The following GRID2 variants were observed in gnomAD, a reference collection of about 807,000 sequenced individuals.
The protein encoded by GRID2 is glutamate receptor ionotropic, delta-2.
GRID2 carries 33 observed loss-of-function variants against 114.8 expected under a neutral mutation model. The ratio of observed to expected loss-of-function variants is 0.29; its 90% CI spans 0.22 to 0.38. The LOEUF is 0.38. Among genes scored for constraint, GRID2 ranks in the 10% least tolerant of loss-of-function variants. The pLI is 1.00. For synonymous variants in GRID2, 505 were observed against 449.9 expected (o/e 1.12, Z -1.55); for missense variants, 1,184 against 1,257.7 (o/e 0.94, Z 0.89).
chr4:93,281,078 C>T (rs758717517), intron 8 of GRID2, among the ~76,000 whole-genome samples: 2 of 151,650 alleles, frequency 1.3e-5, no homozygotes, highest in Non-Finnish European at 2.9e-5. Context: ...ATACATTATA[C>T]TATTTTGATA....
chr4:92,407,648 C>T (rs1364490401), intron 1 of GRID2, among the ~76,000 whole-genome samples: 3 of 151,806 alleles, frequency 2.0e-5, no homozygotes, highest in Non-Finnish European at 4.4e-5. Context: ...ATGGTATCTC[C>T]TTGTGGTTTT....
intron 4 of GRID2, among the ~76,000 whole-genome samples, chr4:93,197,452 G>A (rs1289902210): frequency 6.6e-6 from 1 of 152,108 alleles, no homozygotes; most frequent in Admixed American, 6.6e-5. Context: ...CTACGTGTGT[G>A]TGTGTATATA....
chr4:93,535,823 A>G (rs918203411), intron 13 of GRID2, among the ~76,000 whole-genome samples: 1 of 151,976 alleles, frequency 6.6e-6, no homozygotes, highest in African/African-American at 2.4e-5. Flanking sequence ...ATGGTTTGCA[A>G]ATATTTTCTA....
At chr4:93,165,021 T>G (rs1482115899) in intron 4 of GRID2, among the ~76,000 whole-genome samples, 1 of 152,072 alleles carries the variant, frequency 6.6e-6, no homozygotes, top group East Asian at 1.9e-4. Context: ...GTTTTTCAGT[T>G]TCTCTGAAGG....
intron 13 of GRID2, among the ~76,000 whole-genome samples, chr4:93,537,038 T>C (rs1450595133): frequency 6.6e-6 from 1 of 151,628 alleles, no homozygotes; most frequent in Admixed American, 6.6e-5. Flanking sequence ...ACTCAATATC[T>C]AAAAAAATCC....
intron 11 of GRID2, among the ~76,000 whole-genome samples, chr4:93,472,310 C>A: frequency 6.6e-6 from 1 of 151,800 alleles, no homozygotes; most frequent in East Asian, 2.0e-4. Flanking sequence ...GCAACAAGAG[C>A]AAAACTCCAT....
rs1408480028 is a variant in GRID2, at chr4:93,774,438, T to C, written c.*1940T>C. The C allele has an allele frequency of 6.6e-6, 1 of 152,154 alleles. No individual in the cohort carries two copies. The highest frequency in any genetic ancestry group is 1.9e-4 in the East Asian group (1 of 5,198). The allele number at this position is 152,154 out of a possible 1,614,324, so 9.4% of individuals were successfully genotyped here. ...GTACAATATTTAAAATAGGCTTATT[T>C]TGATGTATCGCCTATTATACAAACA... On this transcript the variant is annotated 3_prime_UTR_variant, in exon 16 of 16. Coordinates refer to ENST00000282020, the MANE Select transcript of GRID2 (RefSeq NM_001510.4).
At chr4:93,697,739 A>G (rs1231030994) in intron 14 of GRID2, among the ~76,000 whole-genome samples, 1 of 129,100 alleles carries the variant, frequency 7.7e-6, no homozygotes, top group African/African-American at 2.9e-5. Context: ...CAAGGTGACT[A>G]TAGTTAATAA....
intron 2 of GRID2, among the ~76,000 whole-genome samples, chr4:92,713,470 C>CATATAT (rs1220909062): frequency 4.0e-5 from 3 of 74,866 alleles, no homozygotes; most frequent in East Asian, 4.4e-4. Flanking sequence ...TTTACATATA[C>CATATAT]ATATACATAT....
intron 2 of GRID2, among the ~76,000 whole-genome samples, chr4:92,863,773 G>A (rs1744685671): frequency 6.6e-6 from 1 of 152,068 alleles, no homozygotes; most frequent in Non-Finnish European, 1.5e-5. Context: ...CTATTGTTAG[G>A]TCACCATGGA....
At chr4:92,719,384 T>C (rs192365002) in intron 2 of GRID2, among the ~76,000 whole-genome samples, 2 of 152,290 alleles carry the variant, frequency 1.3e-5, no homozygotes, top group East Asian at 1.9e-4. Flanking sequence ...TGTCCATTTA[T>C]CTCTAATGGT....
intron 2 of GRID2, among the ~76,000 whole-genome samples, chr4:92,764,432 G>A (rs2149347445): frequency 6.6e-6 from 1 of 152,216 alleles, no homozygotes; most frequent in East Asian, 1.9e-4. Context: ...TGAGCATGTG[G>A]ACAACCCATT....
chr4:93,230,070 GA>G (rs1745940634), intron 7 of GRID2, among the ~76,000 whole-genome samples: 1 of 151,804 alleles, frequency 6.6e-6, no homozygotes, highest in African/African-American at 2.4e-5. Context: ...TTGTAATCCT[GA>G]TTAAAGATTT....
chr4:92,714,943 G>C lies in GRID2; in HGVS notation c.244+124657G>C, dbSNP rs181537339. Among the ~76,000 whole-genome samples the C allele has an allele frequency of 1.5e-3, 223 of 152,266 alleles. 3 individuals are homozygous for C. Among genetic ancestry groups the C allele is most frequent in the African/African-American group, 5.2e-3 (215 of 41,544 alleles). Reference sequence around the variant, plus strand: ...CCATTGTCTTGGCGATTAACATTTGGCTCCTAGTTACTTATGCACACTTCT... The same window carrying C: ...CCATTGTCTTGGCGATTAACATTTGCCTCCTAGTTACTTATGCACACTTCT... On this transcript the variant is annotated intron_variant, in intron 2 of 15. Transcript: ENST00000282020.
At chr4:92,998,563 G>T (rs1755343100) in intron 2 of GRID2, among the ~76,000 whole-genome samples, 1 of 151,908 alleles carries the variant, frequency 6.6e-6, no homozygotes, top group Non-Finnish European at 1.5e-5. Flanking sequence ...GGAGGAAATT[G>T]ATTTTCTTTG....
intron 2 of GRID2, among the ~76,000 whole-genome samples, chr4:93,055,547 T>C (rs1486222701): frequency 6.6e-6 from 1 of 151,756 alleles, no homozygotes; most frequent in Admixed American, 6.6e-5. Flanking sequence ...AACAAAAACA[T>C]ATAAAAAATG....
chr4:93,106,321 T>G (rs548323629), intron 3 of GRID2, among the ~76,000 whole-genome samples: 2 of 152,296 alleles, frequency 1.3e-5, no homozygotes, highest in Admixed American at 1.3e-4. Flanking sequence ...TTGTGTTCAT[T>G]GAACAAAACC....
intron 2 of GRID2, among the ~76,000 whole-genome samples, chr4:92,788,842 G>T (rs116097474): frequency 0.016 from 2,393 of 151,452 alleles, 62 homozygotes; most frequent in African/African-American, 0.054. Flanking sequence ...AGTATTTTTT[G>T]TATGTTTTAT....
intron 13 of GRID2, among the ~76,000 whole-genome samples, chr4:93,604,838 C>T (rs764309246): frequency 3.3e-5 from 5 of 152,122 alleles, no homozygotes; most frequent in South Asian, 2.1e-4. Context: ...ATTTTTAATT[C>T]GGGTATGTAC....
Sources: allele counts gnomAD v4.1 joint callset (sites outside exome capture counted in the v4.1 genomes callset), GRCh38; gene constraint gnomAD v4.1.1; transcripts MANE v1.5; gene names NCBI Gene and HGNC (gene_info 2026-07-23, HGNC 2026-07-21).